Variants in MBTPS1 observed in about 807,000 individuals in gnomAD.
MBTPS1 encodes the protein membrane bound transcription factor peptidase, site 1, also known as membrane-bound transcription factor site-1 protease.
Under a neutral mutation model 127.8 loss-of-function variants are expected in MBTPS1, and 94 were observed. The ratio of observed to expected loss-of-function variants is 0.74; its 90% CI spans 0.62 to 0.87. The LOEUF (loss-of-function observed/expected upper bound fraction) is 0.87, where lower values mean the gene tolerates loss of function less well. Ranked by LOEUF, MBTPS1 falls within the 40% of genes least tolerant of loss-of-function variation. The probability of loss-of-function intolerance (pLI) is 0.00; values close to 1 mark genes in which losing one functional copy is unlikely to be tolerated. For synonymous variants in MBTPS1, 632 were observed against 509.4 expected, an observed-to-expected ratio of 1.24 and a Z score of -3.24; for missense variants, 1,636 against 1,353.2, an observed-to-expected ratio of 1.21 and a Z score of -3.28.
rs762712852 is a variant in MBTPS1 at position 84,074,548 on chromosome 16, T to C, written c.1593+49A>G. On this transcript the variant is annotated intron_variant, in intron 12 of 22. Transcript: ENST00000343411. ...AACTATGGCCTAAAGGTCTGGGCTG[T>C]GTCTAAGTTCACCATCAAGTCAGAG... The C allele has an allele frequency of 3.8e-6, 6 of 1,592,168 alleles. No homozygotes were observed. The South Asian group carries it at 6.8e-5, about 18-fold the overall frequency.
intron 2 of MBTPS1, among the ~76,000 whole-genome samples, chr16:84,100,399 C>T (rs1223079841): frequency 6.6e-6 from 1 of 152,150 alleles, no homozygotes; most frequent in Non-Finnish European, 1.5e-5. Context: ...ACAAAATTAG[C>T]CGGGCATGGT....
chr16:84,101,305 C>T (rs1482011292), intron 2 of MBTPS1, among the ~76,000 whole-genome samples: 1 of 150,010 alleles, frequency 6.7e-6, no homozygotes, highest in Non-Finnish European at 1.5e-5. Context: ...ATCTCAAAAA[C>T]AAAACAAAAC....
chr16:84,080,673 G>A (rs2085927499), intron 11 of MBTPS1, among the ~76,000 whole-genome samples: 1 of 152,232 alleles, frequency 6.6e-6, no homozygotes, highest in Non-Finnish European at 1.5e-5. Flanking sequence ...GGGGACACAG[G>A]ACTCCTCCAA....
chr16:84,105,426 T>G (rs891647695), intron 1 of MBTPS1, among the ~76,000 whole-genome samples: 2 of 152,064 alleles, frequency 1.3e-5, no homozygotes. Context: ...AGGCCACAGA[T>G]GCTGAACTGA....
chr16:84,070,603 G>T lies in MBTPS1; in HGVS notation c.1767C>A (p.Ser589=). ...AQGHVMITVA[S]PAETESKNGA... is the part of the protein sequence containing the mutation. ...ATATCCCTACCTCTGTCTCTGCTGGGGAAGCCACAGTGATCATGACATGGC... is the reference window on the plus strand; with the variant it reads ...ATATCCCTACCTCTGTCTCTGCTGGTGAAGCCACAGTGATCATGACATGGC... Residue 589 remains serine, a synonymous_variant, in exon 13 of 23, where the codon TCC becomes TCA. Transcript: ENST00000343411. The T allele has an allele frequency of 6.2e-7, 1 of 1,612,226 alleles. No homozygotes were observed. The highest frequency in any genetic ancestry group is 8.5e-7 in the Non-Finnish European group (1 of 1,179,746).
chr16:84,106,334 G>A (rs1473680935), intron 1 of MBTPS1, among the ~76,000 whole-genome samples: 1 of 152,044 alleles, frequency 6.6e-6, no homozygotes, highest in Admixed American at 6.5e-5. Context: ...AAAACACAAA[G>A]AAAAGGAATA....
chr16:84,097,819 G>A (rs2086196827), intron 3 of MBTPS1, among the ~76,000 whole-genome samples: 2 of 148,144 alleles, frequency 1.4e-5, no homozygotes, highest in South Asian at 4.3e-4. Context: ...GTTTTACTAT[G>A]AAAATTAAAC....
At chr16:84,101,514 T>G (rs2086255071) in intron 2 of MBTPS1, 107 bp downstream of exon 2, 3 of 1,034,752 alleles carry the variant, frequency 2.9e-6, no homozygotes, top group African/African-American at 1.7e-5. Context: ...AGAAAGAAAT[T>G]TACTGTAGAA....
rs984913713 is a variant in MBTPS1 at position 84,093,729 on chromosome 16, C to T, written c.718G>A (p.Glu240Lys). 2 of 1,613,836 alleles carry T rather than the reference C, an allele frequency of 1.2e-6. No individual in the cohort carries two copies. The highest frequency in any genetic ancestry group is 1.7e-6 in the Non-Finnish European group (2 of 1,179,714). ...NVKERTNWTN[E>K]RTLDDGLGHG... ...GACCCACCATCGTCCAGCGTTCGCT[C>T]GTTGGTCCAGTTGGTTCTCTCCTTC... The change falls in exon 5 of 23, where the codon GAG becomes AAG. Residue 240 changes from glutamate to lysine, a missense_variant. Glu to Lys is a moderately conservative substitution (Grantham distance 56). Transcript: ENST00000343411.
In MBTPS1 at chr16:84,091,770, C is replaced by T; in HGVS notation, c.925G>A (p.Gly309Ser). The change falls in exon 7 of 23, where the codon GGC (glycine) becomes AGC (serine). Residue 309 changes from glycine (G) to serine (S), a missense_variant. Physicochemically the swap from Gly to Ser is moderately conservative, Grantham distance 56. Coordinates refer to ENST00000343411, the MANE Select transcript of MBTPS1 (RefSeq NM_003791.4). Reference protein sequence around the residue: ...KKIDVLNLSIGGPDFMDHPFV... With the variant: ...KKIDVLNLSISGPDFMDHPFV... ...GGATGATCCATGAAGTCCGGGCCGCCGATGCTGAGGTTTAACACGTCGATC... is the reference window on the plus strand; with the variant it reads ...GGATGATCCATGAAGTCCGGGCCGCTGATGCTGAGGTTTAACACGTCGATC... 1.2e-6 allele frequency: 2 copies of T among 1,614,036 alleles called. No individual in the cohort carries two copies. Among genetic ancestry groups the T allele is most frequent in the Non-Finnish European group, 1.7e-6 (2 of 1,179,966 alleles).
intron 15 of MBTPS1, 98 bp downstream of exon 15, chr16:84,068,241 G>A: frequency 2.3e-6 from 2 of 857,264 alleles, no homozygotes; most frequent in Admixed American, 1.8e-5. Flanking sequence ...TACTCCCTTG[G>A]TAGCTATCAC....
chr16:84,083,956 TTTA>T (rs1360416775), intron 10 of MBTPS1, among the ~76,000 whole-genome samples: 2 of 152,180 alleles, frequency 1.3e-5, no homozygotes, highest in Non-Finnish European at 2.9e-5. Flanking sequence ...CTTGGAGAAC[TTTA>T]TTGATTGATT....
chr16:84,067,261 T>C (rs1339204806), intron 16 of MBTPS1, among the ~76,000 whole-genome samples: 1 of 152,192 alleles, frequency 6.6e-6, no homozygotes, highest in Admixed American at 6.5e-5. Context: ...GAACCCTCTA[T>C]ATTATTAACA....
Position 84,101,695 on chromosome 16 carries a change from A to T in MBTPS1, c.89T>A (p.Phe30Tyr). The change falls in exon 2 of 23, where the codon TTT becomes TAT. Residue 30 changes from phenylalanine (F) to tyrosine (Y), a missense_variant. Phe to Tyr is a conservative substitution (Grantham distance 22). Transcript: ENST00000343411. ...HLGDRLEKKS[F>Y]EKAPCPGCSH... is the part of the protein sequence containing the mutation. ...ACAGCCAGGGCATGGGGCCTTTTCA[A>T]AAGATTTCTTTTCCAGTCTGTCGCC... The T allele has an allele frequency of 6.2e-7, 1 of 1,614,198 alleles. No homozygotes were observed. The highest frequency in any genetic ancestry group is 8.5e-7 in the Non-Finnish European group (1 of 1,180,030).
intron 1 of MBTPS1, among the ~76,000 whole-genome samples, chr16:84,113,431 C>T (rs1372335420): frequency 6.6e-6 from 1 of 152,122 alleles, no homozygotes; most frequent in East Asian, 1.9e-4. Flanking sequence ...ACATCAAGTA[C>T]TAACTGAAAA....
intron 18 of MBTPS1, among the ~76,000 whole-genome samples, chr16:84,064,593 C>T (rs1258908846): frequency 6.6e-6 from 1 of 152,166 alleles, no homozygotes; most frequent in Non-Finnish European, 1.5e-5. Flanking sequence ...CACCCACCTA[C>T]CAAAAACAAG....
At chr16:84,082,088 C>T in intron 10 of MBTPS1, 180 bp from the exon 11 acceptor site, 1 of 406,852 alleles carries the variant, frequency 2.5e-6, no homozygotes, top group East Asian at 3.6e-5. Context: ...TGTACCCAAT[C>T]CAGGACTGAC....
intron 14 of MBTPS1, 100 bp downstream of exon 14, chr16:84,069,766 C>T (rs988586633): frequency 1.4e-5 from 16 of 1,156,254 alleles, no homozygotes; most frequent in Admixed American, 4.6e-5. Context: ...CCAGGCTCCA[C>T]GAGAAGCTGA....
At chr16:84,070,814 A>G (rs1451918087) in intron 12 of MBTPS1, 38 bp from the exon 13 acceptor site, 1 of 1,540,322 alleles carries the variant, frequency 6.5e-7, no homozygotes, top group Non-Finnish European at 8.8e-7. Flanking sequence ...CTAAAGTGAA[A>G]AGCTCCAGGA....
Sources: gnomAD v4.1 joint callset for allele counts (sites outside exome capture counted in the v4.1 genomes callset) on GRCh38, gnomAD v4.1.1 for gene constraint, MANE v1.5 for transcripts, NCBI Gene and HGNC (gene_info 2026-07-23, HGNC 2026-07-21) for gene names.